The following CCDC28B variants were observed in gnomAD, a reference collection of about 807,000 sequenced individuals.
The protein encoded by CCDC28B is coiled-coil domain containing 28B, also known as coiled-coil domain-containing protein 28B.
CCDC28B carries 17 observed loss-of-function variants against 18.7 expected under a neutral mutation model. The ratio of observed to expected loss-of-function variants is 0.91; its 90% CI spans 0.62 to 1.36. The LOEUF (loss-of-function observed/expected upper bound fraction) is 1.36, where lower values mean the gene tolerates loss of function less well. CCDC28B is among the 40% of genes most tolerant of loss of function. The probability of loss-of-function intolerance (pLI) is 0.00; values close to 1 mark genes in which losing one functional copy is unlikely to be tolerated. For missense variants in CCDC28B, 213 were observed against 251.7 expected, an observed-to-expected ratio of 0.85 and a Z score of 1.04; for synonymous variants, 116 against 105.1, an observed-to-expected ratio of 1.10 and a Z score of -0.64.
chr1:32,202,456 T>C, intron 2 of CCDC28B: 6 of 402,458 alleles, frequency 1.5e-5, no homozygotes, highest in South Asian at 1.2e-4. Flanking sequence ...CCCTGGAGTA[T>C]CAGGGAACAG....
rs754554872 is a variant in CCDC28B, at chr1:32,205,150, G to A, written c.549-44G>A. ...TGTGCAAGATGGGAGACCGGGGTGG[G>A]AGGAAGGACTGGTCCAAAGCGCCAC... is the stretch of plus-strand genomic sequence containing the variant. On this transcript the variant is annotated intron_variant, in intron 5 of 5. Coordinates refer to ENST00000373602, the MANE Select transcript of CCDC28B (RefSeq NM_024296.5). This position sits in a 1 kb window ranked among gnomAD's most constrained non-coding sequence, Gnocchi z 5.6. 1 of 1,609,488 alleles carries A rather than the reference G, an allele frequency of 6.2e-7. No individual in the cohort carries two copies. Among genetic ancestry groups the A allele is most frequent in the Non-Finnish European group, 8.5e-7 (1 of 1,177,108 alleles).
At chr1:32,198,391 G>A (rs989392949), upstream of CCDC28B, 2 of 152,292 alleles carry the variant, frequency 1.3e-5, no homozygotes, top group Non-Finnish European at 2.9e-5. Flanking sequence ...CGCCCATGGT[G>A]GTTCCCTGGT....
At chr1:32,196,273 A>G (rs1643022680), upstream of CCDC28B, 1 of 152,430 alleles carries the variant, frequency 6.6e-6, no homozygotes. Context: ...CACTGTCTCC[A>G]TGCAGCAGTT....
intron 4 of CCDC28B, 77 bp downstream of exon 4, chr1:32,204,456 G>A (rs138066400): frequency 3.3e-6 from 5 of 1,516,318 alleles, no homozygotes; most frequent in Non-Finnish European, 4.4e-6. Context: ...AGCCATTCCT[G>A]GGCCCTGGGT....
chr1:32,196,137 G>C (rs147957255), upstream of CCDC28B: 135 of 159,688 alleles, frequency 8.5e-4, no homozygotes, highest in African/African-American at 3.2e-3. Flanking sequence ...CCATCTTGAT[G>C]CTGAGGTTTC....
chr1:32,201,508 CT>C (rs1643147169), intron 1 of CCDC28B, among the ~76,000 whole-genome samples: 1 of 152,154 alleles, frequency 6.6e-6, no homozygotes, highest in African/African-American at 2.4e-5. Flanking sequence ...GCTTAGGCCC[CT>C]GATAAATAGA....
chr1:32,201,109 C>A (rs946508076), intron 1 of CCDC28B, among the ~76,000 whole-genome samples: 21 of 151,940 alleles, frequency 1.4e-4, no homozygotes, highest in Admixed American at 3.3e-4. Flanking sequence ...AGGAGGGAAC[C>A]CCAGCCGACC....
chr1:32,204,953 C>A, intron 5 of CCDC28B: 1 of 1,381,062 alleles, frequency 7.2e-7, no homozygotes, highest in South Asian at 1.5e-5. Context: ...CTCACCTGGT[C>A]CTCAGTCAGA....
At chr1:32,202,164 G>A (rs1209353172) in intron 2 of CCDC28B, 65 bp downstream of exon 2, 2 of 1,594,860 alleles carry the variant, frequency 1.3e-6, no homozygotes, top group Non-Finnish European at 1.7e-6. Context: ...AGAGAGGAAG[G>A]CAAGGGGGGC....
chr1:32,201,327 T>TG (rs1643143412), intron 1 of CCDC28B, among the ~76,000 whole-genome samples: 1 of 152,044 alleles, frequency 6.6e-6, no homozygotes, highest in African/African-American at 2.4e-5. Flanking sequence ...TATTTTCGGT[T>TG]GGGGGTGGGT....
At chr1:32,204,851 A>G in intron 5 of CCDC28B, 1 of 1,540,880 alleles carries the variant, frequency 6.5e-7, no homozygotes, top group South Asian at 1.2e-5. Flanking sequence ...CTTTGTGAGT[A>G]CTTTAGCTGA....
chr1:32,201,186 C>A (rs1643140494), intron 1 of CCDC28B, among the ~76,000 whole-genome samples: 1 of 152,220 alleles, frequency 6.6e-6, no homozygotes, highest in Admixed American at 6.5e-5. Flanking sequence ...CAGCCTTTGT[C>A]GGAGGCCCAG....
rs749202066 is a variant in CCDC28B at position 32,202,084 on chromosome 1, G to A, written c.149G>A (p.Arg50Gln). Residue 50 changes from arginine to glutamine, a missense_variant, in exon 2 of 6, where the codon CGG becomes CAG. By Grantham distance (43) the Arg-to-Gln change is conservative. Transcript: ENST00000373602. ...GLPHLPSPKQ[R>Q]AKFKRVGKEK... ...CCTCATCTGCCATCCCCCAAGCAGC[G>A]GGCCAAGTTCAAGAGGTGGGTACAG... 3 of 1,612,740 alleles carry A rather than the reference G, an allele frequency of 1.9e-6. No individual in the cohort carries two copies. The highest frequency in any genetic ancestry group is 1.7e-5 in the Admixed American group (1 of 59,870).
Position 32,201,896 on chromosome 1 carries a change from G to C in CCDC28B, c.-23-17G>C. The C allele has an allele frequency of 6.5e-7, 1 of 1,540,006 alleles. No homozygotes were observed. Among genetic ancestry groups the C allele is most frequent in the East Asian group, 2.3e-5 (1 of 44,140 alleles). On this transcript the variant is annotated splice_polypyrimidine_tract_variant and intron_variant, in intron 1 of 5. Coordinates refer to ENST00000373602, the MANE Select transcript of CCDC28B (RefSeq NM_024296.5). ...ACTTTGCCCCTGGCTATCTTTGTGG[G>C]GTTGCTTCCCTCCTAGGCCTGAGGC... is the stretch of plus-strand genomic sequence containing the variant.
intron 2 of CCDC28B, 167 bp downstream of exon 2, chr1:32,202,266 A>T (rs541645361): frequency 1.1e-6 from 1 of 906,050 alleles, no homozygotes; most frequent in African/African-American, 1.6e-5. Flanking sequence ...CCTACCCTCA[A>T]CTGTGTGGCA....
At chr1:32,203,543 T>G (rs1643207545) in intron 2 of CCDC28B, among the ~76,000 whole-genome samples, 1 of 152,128 alleles carries the variant, frequency 6.6e-6, no homozygotes, top group South Asian at 2.1e-4. Flanking sequence ...TAGCTGTCTC[T>G]ATATACGCTG....
intron 2 of CCDC28B, 54 bp from the exon 3 acceptor site, chr1:32,203,825 G>A: frequency 7.1e-7 from 1 of 1,398,604 alleles, no homozygotes; most frequent in Non-Finnish European, 9.5e-7. Context: ...AAAAGATCGG[G>A]AGGTGCCTGA....
At chr1:32,198,618 G>C (rs1643076465), upstream of CCDC28B, among the ~76,000 whole-genome samples, 1 of 152,218 alleles carries the variant, frequency 6.6e-6, no homozygotes. Flanking sequence ...ATGGTGCTGA[G>C]AGCAGAGAGG....
In CCDC28B at chr1:32,202,114, GAAGGA is replaced by G; in HGVS notation, c.164+21_164+25del. ...AAGTTCAAGAGGTGGGTACAGAAGG[GAAGGA>G]AAGGAGGAGGGACCCCAACTCTGGG... On this transcript the variant is annotated intron_variant, in intron 2 of 5. Transcript: ENST00000373602. 1 of 1,611,698 alleles carries G rather than the reference GAAGGA, an allele frequency of 6.2e-7. No individual in the cohort carries two copies. The highest frequency in any genetic ancestry group is 8.5e-7 in the Non-Finnish European group (1 of 1,178,496).
Sources: allele counts gnomAD v4.1 joint callset (sites outside exome capture counted in the v4.1 genomes callset), GRCh38; gene constraint gnomAD v4.1.1; non-coding constraint Gnocchi (gnomAD v3.1); transcripts MANE v1.5; gene names NCBI Gene and HGNC (gene_info 2026-07-23, HGNC 2026-07-21).